Variants in IL4I1 observed in about 807,000 individuals in gnomAD.
IL4I1 encodes interleukin 4 induced 1, also known as L-amino-acid oxidase.
Under a neutral mutation model 29.7 loss-of-function variants are expected in IL4I1, and 24 were observed. The ratio of observed to expected loss-of-function variants is 0.81; its 90% confidence interval spans 0.59 to 1.14. IL4I1 has a LOEUF of 1.14. Ranked by LOEUF, IL4I1 falls within the 50% of genes most tolerant of loss-of-function variation. The pLI, the probability that IL4I1 is intolerant of heterozygous loss-of-function variation, is 0.00. For missense variants in IL4I1, 686 were observed against 785.6 expected, an observed-to-expected ratio of 0.87 and a Z score of 1.52; for synonymous variants, 371 against 352.5, an observed-to-expected ratio of 1.05 and a Z score of -0.59.
chr19:49,897,308 C>G (rs986527116), upstream of IL4I1, among the ~76,000 whole-genome samples: 1 of 152,184 alleles, frequency 6.6e-6, no homozygotes, highest in Non-Finnish European at 1.5e-5. Flanking sequence ...CCATGTCCTG[C>G]AGGGCCCCCC....
At chr19:49,890,714 C>G (rs1316056662) in intron 7 of IL4I1, 114 bp from the exon 8 acceptor site, 2 of 996,350 alleles carry the variant, frequency 2.0e-6, no homozygotes, top group Non-Finnish European at 2.8e-6. Flanking sequence ...CCCGCTCCCC[C>G]GTCATCCACC....
upstream of IL4I1, among the ~76,000 whole-genome samples, chr19:49,898,419 G>C (rs2075239052): frequency 6.6e-6 from 1 of 151,706 alleles, no homozygotes; most frequent in South Asian, 2.1e-4. Flanking sequence ...TGGGAGGATT[G>C]CTTGAGCCCA....
At chr19:49,906,229 G>C (rs1568693656) in intron 2 of IL4I1, among the ~76,000 whole-genome samples, 1 of 151,972 alleles carries the variant, frequency 6.6e-6, no homozygotes, top group African/African-American at 2.4e-5. Flanking sequence ...TATTTTTTGA[G>C]ACAGAGTCTT....
chr19:49,911,987 T>C (rs912708210), intron 2 of IL4I1, among the ~76,000 whole-genome samples: 5 of 152,138 alleles, frequency 3.3e-5, no homozygotes, highest in Non-Finnish European at 7.3e-5. Flanking sequence ...GCTAAAGGCA[T>C]CTGAGCAGCT....
chr19:49,909,008 G>A lies in IL4I1; in HGVS notation c.-227-4687C>T, dbSNP rs372446928. ...GGCAGCGGTGGATGTTGTTGTGGAG[G>A]TGCCGGAAGCTGCTCCAGGTGCCTT... On this transcript the variant is annotated intron_variant, in intron 2 of 9. Coordinates refer to the IL4I1 transcript ENST00000341114. 2.5e-6 allele frequency: 4 copies of A among 1,612,498 alleles called. No individual in the cohort carries two copies. In the South Asian group the frequency reaches 4.4e-5, roughly 18 times the overall value.
Position 49,923,880 on chromosome 19 carries a change from G to A in IL4I1, c.-228+3814C>T, listed in dbSNP as rs532329092. On this transcript the variant is annotated intron_variant, in intron 2 of 9. Coordinates refer to the IL4I1 transcript ENST00000341114. ...ACGCTGCGGAAGGCAGCCGAGGCTCGGCAGATGAGGGCCCTGCCTGCACTC... is the reference window on the plus strand; with the variant it reads ...ACGCTGCGGAAGGCAGCCGAGGCTCAGCAGATGAGGGCCCTGCCTGCACTC... 6.6e-5 allele frequency among the ~76,000 whole-genome samples: 10 copies of A among 152,332 alleles called. No homozygotes were observed. In the South Asian group the frequency reaches 1.9e-3, roughly 28 times the overall value.
rs3786666 is a variant in IL4I1 at position 49,921,778 on chromosome 19, C to T, written c.-228+5916G>A. Among the ~76,000 whole-genome samples, 49,649 of 151,928 alleles carry T rather than the reference C, an allele frequency of 0.33. 8,439 individuals are homozygous for T. The highest frequency in any genetic ancestry group is 0.41 in the East Asian group (2,091 of 5,146). On this transcript the variant is annotated intron_variant, in intron 2 of 9. Coordinates refer to the IL4I1 transcript ENST00000341114. The surrounding 1 kb of genome is among the most constrained non-coding windows in gnomAD (Gnocchi z 5.4). ...TCCCCGCAGCTCCGACCATGACCAT[C>T]CATCCTATGAGTGCTGGCTGGGCTC...
Position 49,921,479 on chromosome 19 carries a change from A to C in IL4I1, c.-228+6215T>G, listed in dbSNP as rs1152235. Among the ~76,000 whole-genome samples, 391 of 152,264 alleles carry C rather than the reference A, an allele frequency of 2.6e-3. No homozygotes were observed. The highest frequency in any genetic ancestry group is 8.7e-3 in the African/African-American group (361 of 41,540). ...TCACTCTCAAATCCAATTCAGGATG[A>C]TCCGCCCGCCCCAGCTGCAGACGAT... On this transcript the variant is annotated intron_variant, in intron 2 of 9. Coordinates refer to the IL4I1 transcript ENST00000341114. This position sits in a 1 kb window ranked among gnomAD's most constrained non-coding sequence, Gnocchi z 5.4.
chr19:49,902,881 C>T (rs144683575), intron 3 of IL4I1, among the ~76,000 whole-genome samples: 1,519 of 151,796 alleles, frequency 0.01, 11 homozygotes, highest in Non-Finnish European at 0.015. Context: ...CTCTGGGAGG[C>T]CGAGACAGGT....
At chr19:49,892,345 G>A (rs1455114681) in intron 5 of IL4I1, among the ~76,000 whole-genome samples, 1 of 152,116 alleles carries the variant, frequency 6.6e-6, no homozygotes, top group Non-Finnish European at 1.5e-5. Flanking sequence ...GCCTCCCAAA[G>A]TGCTGGGATT....
chr19:49,890,960 C>CCCCA lies in IL4I1; in HGVS notation c.773+10_773+11insTGGG. ...CGCCCCCCCCCCCTGCCCGCCAGCC[C>CCCCA]CGCCCCTTACTGGAGTCTGTCGCTG... On this transcript the variant is annotated intron_variant, in intron 7 of 7. Coordinates refer to ENST00000391826, the MANE Select transcript of IL4I1 (RefSeq NM_152899.2). The CCCCA allele has an allele frequency of 6.9e-7, 1 of 1,455,948 alleles. No individual in the cohort carries two copies. The highest frequency in any genetic ancestry group is 1.3e-5 in the South Asian group (1 of 74,182). The allele number at this position is 1,455,948 out of a possible 1,614,324, so 90.2% of individuals were successfully genotyped here.
chr19:49,899,013 A>G (rs1395988849), upstream of IL4I1, among the ~76,000 whole-genome samples: 1 of 152,252 alleles, frequency 6.6e-6, no homozygotes, highest in Admixed American at 6.5e-5. Context: ...TAGGTCTCAG[A>G]GTTTCATTCA....
chr19:49,929,402 T>C (rs2076011736), exon 1 of IL4I1: 1 of 153,162 alleles, frequency 6.5e-6, no homozygotes, highest in Admixed American at 6.5e-5. Flanking sequence ...AGCCATGGAG[T>C]GAGTAACCGC....
intron 2 of IL4I1, among the ~76,000 whole-genome samples, chr19:49,924,631 T>C (rs1405972009): frequency 2.0e-5 from 3 of 152,146 alleles, no homozygotes; most frequent in Non-Finnish European, 2.9e-5. Flanking sequence ...ACATGAGTCC[T>C]GAAGGGGCCA....
At chr19:49,906,240 GCT>G (rs1304965556) in intron 2 of IL4I1, among the ~76,000 whole-genome samples, 1 of 151,932 alleles carries the variant, frequency 6.6e-6, no homozygotes, top group Non-Finnish European at 1.5e-5. Context: ...ACAGAGTCTT[GCT>G]CTGTCGCCCA....
Position 49,896,193 on chromosome 19 carries a change from G to C in IL4I1, c.-22-11C>G. On this transcript the variant is annotated splice_polypyrimidine_tract_variant and intron_variant, in intron 1 of 7. Coordinates refer to ENST00000391826, the MANE Select transcript of IL4I1 (RefSeq NM_152899.2). ...GGTGGGAGATGGTGTCTGGGGTGGA[G>C]GAGAAGGGAGGGCTGTTGTGACTGA... is the stretch of plus-strand genomic sequence containing the variant. The C allele has an allele frequency of 6.7e-7, 1 of 1,496,368 alleles. No individual in the cohort carries two copies. Among genetic ancestry groups the C allele is most frequent in the Non-Finnish European group, 8.9e-7 (1 of 1,119,990 alleles). 92.7% of individuals were successfully genotyped at this position (1,496,368 alleles called of 1,614,324 possible). A position where few individuals can be genotyped will look rare whatever the true frequency, so the allele number is the denominator to read the frequency against.
intron 2 of IL4I1, among the ~76,000 whole-genome samples, chr19:49,927,268 T>C (rs1266130950): frequency 2.0e-5 from 3 of 152,278 alleles, no homozygotes; most frequent in East Asian, 3.9e-4. Context: ...AGTCAAGTTT[T>C]GAACTCATAT....
intron 2 of IL4I1, among the ~76,000 whole-genome samples, chr19:49,915,140 G>A (rs8101363): frequency 0.33 from 50,363 of 151,838 alleles, 8,710 homozygotes; most frequent in East Asian, 0.41. Flanking sequence ...AATTAGGAAG[G>A]ATGTGTGCTA....
chr19:49,895,486 G>A (rs936729312), intron 3 of IL4I1, among the ~76,000 whole-genome samples: 1 of 152,200 alleles, frequency 6.6e-6, no homozygotes, highest in Non-Finnish European at 1.5e-5. Context: ...CAGTGAGTAG[G>A]TCAGTGGTTA....
Sources: gnomAD v4.1 joint callset for allele counts (sites outside exome capture counted in the v4.1 genomes callset) on GRCh38, gnomAD v4.1.1 for gene constraint, Gnocchi (gnomAD v3.1) non-coding constraint, MANE v1.5 for transcripts, NCBI Gene and HGNC (gene_info 2026-07-23, HGNC 2026-07-21) for gene names.